The following DIAPH2 variants were observed in gnomAD, a reference collection of about 807,000 sequenced individuals.
DIAPH2 encodes the protein protein diaphanous homolog 2.
Under a neutral mutation model 92.7 loss-of-function variants are expected in DIAPH2, and 35 were observed. That is an observed-to-expected ratio of 0.38 (90% confidence interval 0.29 to 0.50). The LOEUF is 0.50. Among genes scored for constraint, DIAPH2 ranks in the 20% least tolerant of loss-of-function variants. The probability of loss-of-function intolerance (pLI) is 0.94; values close to 1 mark genes in which losing one functional copy is unlikely to be tolerated. For missense variants in DIAPH2, 701 were observed against 819.5 expected (o/e 0.86, Z 1.77); for synonymous variants, 301 against 280.4 (o/e 1.07, Z -0.73).
chrX:97,327,968 T>A (rs961157087), intron 23 of DIAPH2, among the ~76,000 whole-genome samples: 2 of 112,534 alleles, frequency 1.8e-5, no homozygotes, highest in South Asian at 7.3e-4. Flanking sequence ...ATTTAATGAA[T>A]CCCTTCTTAA....
chrX:96,812,798 C>T (rs185685305), intron 4 of DIAPH2, among the ~76,000 whole-genome samples: 596 of 111,830 alleles, frequency 5.3e-3, no homozygotes, highest in Non-Finnish European at 8.4e-3. Context: ...CATTCAGGAG[C>T]AGGTTGTTCA....
intron 4 of DIAPH2, among the ~76,000 whole-genome samples, chrX:96,759,376 C>G (rs1475538279): frequency 9.0e-6 from 1 of 111,291 alleles, no homozygotes; most frequent in Admixed American, 9.6e-5. Context: ...CATTGCAGCT[C>G]CGCCATAGCA....
At chrX:97,232,320 C>T (rs767903125) in intron 22 of DIAPH2, among the ~76,000 whole-genome samples, 95 of 111,646 alleles carry the variant, frequency 8.5e-4, no homozygotes, top group African/African-American at 3.0e-3. Flanking sequence ...CTGCAGCCTC[C>T]TTCTCCCGGG....
chrX:97,300,758 C>T (rs2068688884), intron 23 of DIAPH2, among the ~76,000 whole-genome samples: 2 of 89,490 alleles, frequency 2.2e-5, no homozygotes, highest in Non-Finnish European at 4.4e-5. Context: ...CGGTGAAACC[C>T]CGTCTCTACT....
At chrX:97,325,856 C>T (rs1045194133) in intron 23 of DIAPH2, among the ~76,000 whole-genome samples, 1 of 112,088 alleles carries the variant, frequency 8.9e-6, no homozygotes, top group African/African-American at 3.2e-5. Context: ...GGATTACAGG[C>T]GTGAGCCACC....
At chrX:97,215,448 G>A (rs1459976620) in intron 22 of DIAPH2, among the ~76,000 whole-genome samples, 3 of 112,092 alleles carry the variant, frequency 2.7e-5, no homozygotes, top group Non-Finnish European at 3.8e-5. Context: ...ACCATCGGTA[G>A]CTTTGTGAAG....
chrX:97,423,397 C>T (rs1287148481), intron 25 of DIAPH2, among the ~76,000 whole-genome samples: 1 of 111,819 alleles, frequency 8.9e-6, no homozygotes, highest in Non-Finnish European at 1.9e-5. Flanking sequence ...AATAGGCTTG[C>T]ACAAAGGTAT....
chrX:97,220,861 TAATC>T (rs1184105583), intron 22 of DIAPH2, among the ~76,000 whole-genome samples: 1 of 111,903 alleles, frequency 8.9e-6, no homozygotes, highest in African/African-American at 3.2e-5. Flanking sequence ...GTGTTGTAAT[TAATC>T]TATGGAAATG....
At chrX:96,849,363 G>A (rs765247930) in intron 4 of DIAPH2, among the ~76,000 whole-genome samples, 26 of 111,018 alleles carry the variant, frequency 2.3e-4, no homozygotes, top group Admixed American at 2.2e-3. Context: ...ATGGGGTTTC[G>A]CCACGTTGAC....
chrX:97,418,669 A>G (rs1478165135), intron 25 of DIAPH2, among the ~76,000 whole-genome samples: 1 of 111,989 alleles, frequency 8.9e-6, no homozygotes, highest in Non-Finnish European at 1.9e-5. Context: ...ATGGCAATCT[A>G]GTTGAAGTCC....
chrX:97,443,376 A>G (rs1468934847), intron 26 of DIAPH2, among the ~76,000 whole-genome samples: 2 of 112,523 alleles, frequency 1.8e-5, no homozygotes, highest in African/African-American at 3.2e-5. Context: ...TAAAAATACT[A>G]TGCTTATAAC....
rs751593773 is a variant in DIAPH2 at position 97,599,932 on chromosome X, T to C, written c.*615T>C. 2 of 112,732 alleles carry C rather than the reference T, an allele frequency of 1.8e-5. No homozygotes were observed. Among genetic ancestry groups the C allele is most frequent in the Admixed American group, 1.9e-4 (2 of 10,623 alleles). The allele number at this position is 112,732 out of a possible 1,213,427, so 9.3% of individuals were successfully genotyped here. On this transcript the variant is annotated 3_prime_UTR_variant, in exon 27 of 27. Transcript: ENST00000324765. ...TCTGCTTTGGCTGAAATTAAACTTATCATTAGTCTAGCTAGCATTTCAGCA... is the reference window on the plus strand; with the variant it reads ...TCTGCTTTGGCTGAAATTAAACTTACCATTAGTCTAGCTAGCATTTCAGCA...
intron 14 of DIAPH2, among the ~76,000 whole-genome samples, chrX:96,948,292 G>A (rs1286894725): frequency 1.8e-5 from 2 of 112,358 alleles, no homozygotes; most frequent in Non-Finnish European, 3.8e-5. Context: ...TATGGGATGA[G>A]GCTGCACATG....
intron 1 of DIAPH2, among the ~76,000 whole-genome samples, chrX:96,706,717 A>G (rs993467932): frequency 8.9e-6 from 1 of 111,802 alleles, no homozygotes; most frequent in African/African-American, 3.3e-5. Context: ...TGGATGGAGC[A>G]TATGACAGAC....
At chrX:96,723,105 A>G (rs2063998862) in intron 1 of DIAPH2, among the ~76,000 whole-genome samples, 1 of 111,744 alleles carries the variant, frequency 8.9e-6, no homozygotes, top group Non-Finnish European at 1.9e-5. Context: ...TTAAAGCTCA[A>G]GTAGGTGGGT....
chrX:97,328,147 C>T, intron 23 of DIAPH2, among the ~76,000 whole-genome samples: 1 of 111,282 alleles, frequency 9.0e-6, no homozygotes, highest in Non-Finnish European at 1.9e-5. Context: ...TTACTAGCTT[C>T]TTAACGGCCA....
intron 23 of DIAPH2, among the ~76,000 whole-genome samples, chrX:97,251,268 T>G (rs1478862872): frequency 8.9e-6 from 1 of 111,838 alleles, no homozygotes; most frequent in African/African-American, 3.2e-5. Flanking sequence ...AAAAACCATG[T>G]ATTTTATGGG....
At chrX:96,982,898 A>G (rs2066006703) in intron 17 of DIAPH2, among the ~76,000 whole-genome samples, 1 of 111,621 alleles carries the variant, frequency 9.0e-6, no homozygotes, top group African/African-American at 3.3e-5. Context: ...GACTCATCAG[A>G]AATTTCTTAG....
intron 21 of DIAPH2, among the ~76,000 whole-genome samples, chrX:97,136,164 G>A (rs2067169056): frequency 8.9e-6 from 1 of 112,304 alleles, no homozygotes; most frequent in African/African-American, 3.2e-5. Flanking sequence ...AATAGCTAGA[G>A]ATAAGATCAC....
Sources: gnomAD v4.1 joint callset for allele counts (sites outside exome capture counted in the v4.1 genomes callset) on GRCh38, gnomAD v4.1.1 for gene constraint, MANE v1.5 for transcripts, NCBI Gene and HGNC (gene_info 2026-07-23, HGNC 2026-07-21) for gene names.